Variants in NGEF observed in about 807,000 individuals in gnomAD.
NGEF encodes the protein neuronal guanine nucleotide exchange factor.
In NGEF, 31 loss-of-function variants were observed where a neutral mutation model predicts 80.9. The ratio of observed to expected loss-of-function variants is 0.38; its 90% CI spans 0.29 to 0.52. The LOEUF is 0.52. NGEF is among the 20% of genes least tolerant of loss of function. The pLI is 0.84. For missense variants in NGEF, 709 were observed against 926.2 expected (o/e 0.77, Z 3.04); for synonymous variants, 371 against 370.2 (o/e 1.00, Z -0.03).
intron 3 of NGEF, among the ~76,000 whole-genome samples, chr2:232,955,709 G>A: frequency 6.6e-6 from 1 of 151,962 alleles, no homozygotes; most frequent in East Asian, 1.9e-4. Context: ...AGTAGAGACG[G>A]GGTTTCACCA....
chr2:232,992,774 C>A (rs748067520), intron 1 of NGEF, among the ~76,000 whole-genome samples: 1 of 151,554 alleles, frequency 6.6e-6, no homozygotes, highest in African/African-American at 2.4e-5. Flanking sequence ...ATCACTTGAG[C>A]CCAGGACTTT....
intron 3 of NGEF, among the ~76,000 whole-genome samples, chr2:232,965,498 A>AGCTT (rs1694039195): frequency 6.6e-6 from 1 of 152,136 alleles, no homozygotes; most frequent in Admixed American, 6.5e-5. Context: ...AATGCTATGG[A>AGCTT]GCAAGAGAAG....
chr2:232,942,059 A>C (rs1240185114), intron 3 of NGEF, among the ~76,000 whole-genome samples: 1 of 152,116 alleles, frequency 6.6e-6, no homozygotes, highest in Non-Finnish European at 1.5e-5. Flanking sequence ...AGAAACCACC[A>C]CCTCCACTCA....
chr2:232,943,584 C>T (rs111963684), intron 3 of NGEF, among the ~76,000 whole-genome samples: 6,251 of 151,530 alleles, frequency 0.041, 423 homozygotes, highest in African/African-American at 0.14. Context: ...CAAGCTCCGC[C>T]TCCCGGGTTC....
intron 5 of NGEF, among the ~76,000 whole-genome samples, chr2:232,898,633 G>A (rs1218186155): frequency 6.6e-6 from 1 of 152,198 alleles, no homozygotes; most frequent in African/African-American, 2.4e-5. Context: ...TAGAGCTGAC[G>A]AGGGATCCAG....
intron 3 of NGEF, among the ~76,000 whole-genome samples, chr2:232,946,795 C>T (rs1414585729): frequency 1.3e-5 from 2 of 152,138 alleles, no homozygotes; most frequent in African/African-American, 4.8e-5. Context: ...ACAGTATAGC[C>T]AGCTGGGAGG....
intron 1 of NGEF, among the ~76,000 whole-genome samples, chr2:232,987,869 C>G (rs1694564690): frequency 6.6e-6 from 1 of 152,102 alleles, no homozygotes; most frequent in Admixed American, 6.5e-5. Flanking sequence ...CTAGAGTTCC[C>G]TGAGGGTCCT....
chr2:232,894,094 C>T (rs1402625432), intron 6 of NGEF, among the ~76,000 whole-genome samples: 13 of 152,242 alleles, frequency 8.5e-5, no homozygotes, highest in Admixed American at 5.9e-4. Flanking sequence ...CTTCTGGCTG[C>T]AAAACTCCAT....
rs899372277 is a variant in NGEF at position 232,893,413 on chromosome 2, G to A, written c.990-363C>T. Reference sequence around the variant, plus strand: ...ACCACTGCTGACGCTGGTGAGCAGCGCACATGGACATCTACCTCTGCATGT... The same window carrying A: ...ACCACTGCTGACGCTGGTGAGCAGCACACATGGACATCTACCTCTGCATGT... On this transcript the variant is annotated intron_variant, in intron 6 of 14. Coordinates refer to ENST00000264051, the MANE Select transcript of NGEF (RefSeq NM_019850.3). Among the ~76,000 whole-genome samples the A allele has an allele frequency of 6.6e-5, 10 of 152,314 alleles. No individual in the cohort carries two copies. The South Asian group carries it at 1.0e-3, about 16-fold the overall frequency.
Position 232,891,478 on chromosome 2 carries a change from C to A in NGEF, c.1152G>T (p.Lys384Asn), listed in dbSNP as rs756040306. ...ERTYKQLLQE[K>N]AAFRELIAQL... ...GCGCGATCAGCTCCCGGAAAGCTGCCTTCTCCTGGCTGGGGACACAGACAG... is the reference window on the plus strand; with the variant it reads ...GCGCGATCAGCTCCCGGAAAGCTGCATTCTCCTGGCTGGGGACACAGACAG... Residue 384 changes from lysine to asparagine, a missense_variant, in exon 8 of 15, where the codon AAG becomes AAT. Lys to Asn is a moderately conservative substitution (Grantham distance 94). Around this residue, in one of 2 missense-constraint regions of NGEF, gnomAD observed 426 missense variants for 622.9 expected, o/e 0.68. Transcript: ENST00000264051. 2 of 1,612,810 alleles carry A rather than the reference C, an allele frequency of 1.2e-6. No homozygotes were observed. Among genetic ancestry groups the A allele is most frequent in the Non-Finnish European group, 1.7e-6 (2 of 1,179,748 alleles).
chr2:232,908,545 T>C (rs1692627346), intron 5 of NGEF, among the ~76,000 whole-genome samples: 1 of 152,016 alleles, frequency 6.6e-6, no homozygotes, highest in African/African-American at 2.4e-5. Context: ...ATGTAGTCAT[T>C]GGCCATTTGT....
chr2:232,993,489 G>C (rs1694715444), intron 1 of NGEF, among the ~76,000 whole-genome samples: 1 of 151,892 alleles, frequency 6.6e-6, no homozygotes, highest in South Asian at 2.1e-4. Context: ...AATGGTTGGG[G>C]CACTTTGGAA....
intron 1 of NGEF, among the ~76,000 whole-genome samples, chr2:232,991,662 A>G (rs1694652967): frequency 1.3e-5 from 2 of 152,172 alleles, no homozygotes; most frequent in Admixed American, 1.3e-4. Flanking sequence ...TAAGATGGCA[A>G]TACTCTCCAA....
At position 232,912,974 on chromosome 2, in the gene NGEF, A is replaced by G. The variant is rs974256362; in HGVS notation, c.828+7310T>C. Among the ~76,000 whole-genome samples, 4 of 152,258 alleles carry G rather than the reference A, an allele frequency of 2.6e-5. 1 individual carries two copies. The highest frequency in any genetic ancestry group is 2.0e-4 in the Admixed American group (3 of 15,306). ...AATTTTGGTTTCACTGATTTTCTCT[A>G]TATTTTAAAAAATTTCCCATGTTGT... On this transcript the variant is annotated intron_variant, in intron 5 of 14. Transcript: ENST00000264051.
chr2:233,008,245 G>A (rs1695127458), intron 1 of NGEF, among the ~76,000 whole-genome samples: 1 of 152,242 alleles, frequency 6.6e-6, no homozygotes, highest in Non-Finnish European at 1.5e-5. Context: ...ATCTGCTTAT[G>A]TGGATTGCGG....
At chr2:232,960,968 C>T (rs1368862107) in intron 3 of NGEF, among the ~76,000 whole-genome samples, 1 of 152,170 alleles carries the variant, frequency 6.6e-6, no homozygotes, top group African/African-American at 2.4e-5. Context: ...CTTCCTGTGC[C>T]CCTCTTTACA....
chr2:232,893,191 C>T (rs542393359), intron 6 of NGEF, 141 bp from the exon 7 acceptor site: 29 of 764,548 alleles, frequency 3.8e-5, no homozygotes, highest in East Asian at 5.5e-5. Context: ...CAAGATCCAT[C>T]GGCAGGGGCA....
At chr2:232,900,091 TAG>T (rs1199464628) in intron 5 of NGEF, among the ~76,000 whole-genome samples, 1 of 106,108 alleles carries the variant, frequency 9.4e-6, no homozygotes, top group Non-Finnish European at 1.9e-5. Flanking sequence ...CACATTCACT[TAG>T]ACACATGCTC....
chr2:232,928,627 C>T (rs945748375), intron 3 of NGEF, among the ~76,000 whole-genome samples: 1 of 152,138 alleles, frequency 6.6e-6, no homozygotes, highest in Non-Finnish European at 1.5e-5. Context: ...CAGGCGGAGA[C>T]TGGGGTCTCA....
Sources: gnomAD v4.1 joint callset for allele counts (sites outside exome capture counted in the v4.1 genomes callset) on GRCh38, gnomAD v4.1.1 for gene constraint, gnomAD v4.1.1 regional missense constraint, MANE v1.5 for transcripts, NCBI Gene and HGNC (gene_info 2026-07-23, HGNC 2026-07-21) for gene names.